ARID2: variants seen among roughly 807,000 people sequenced by gnomAD.
ARID2 encodes the protein AT-rich interaction domain 2.
In ARID2, 32 loss-of-function variants were observed where a neutral mutation model predicts 184.6. The observed-to-expected ratio is 0.17, with a 90% CI of 0.13 to 0.23. The LOEUF is 0.23. ARID2 is among the 10% of genes least tolerant of loss of function. ARID2 has a pLI of 1.00. For synonymous variants in ARID2, 836 were observed against 772.6 expected, an observed-to-expected ratio of 1.08 and a Z score of -1.36; for missense variants, 1,696 against 2,197.6, an observed-to-expected ratio of 0.77 and a Z score of 4.56.
At chr12:45,863,195 T>G (rs1004856896) in intron 16 of ARID2, among the ~76,000 whole-genome samples, 2 of 152,184 alleles carry the variant, frequency 1.3e-5, no homozygotes, top group African/African-American at 4.8e-5. Flanking sequence ...AGTAGGAATT[T>G]TTCATGCTAA....
chr12:45,742,853 C>T (rs4768660), intron 3 of ARID2, among the ~76,000 whole-genome samples: 22,953 of 152,176 alleles, frequency 0.15, 2,032 homozygotes, highest in Admixed American at 0.21. Context: ...AATAAATGCA[C>T]ATGTAGTTTT....
rs1261276803 is a variant in ARID2, at chr12:45,817,650, G to T, written c.419-20G>T. ...GTATCTGATCTTTGATATACTTAAGGTATTTTTTTTCTTTGTTAGATTATC... is the reference window on the plus strand; with the variant it reads ...GTATCTGATCTTTGATATACTTAAGTTATTTTTTTTCTTTGTTAGATTATC... On this transcript the variant is annotated intron_variant, in intron 4 of 20. Coordinates refer to ENST00000334344, the MANE Select transcript of ARID2 (RefSeq NM_152641.4). 2 of 1,583,126 alleles carry T rather than the reference G, an allele frequency of 1.3e-6. No homozygotes were observed. The highest frequency in any genetic ancestry group is 1.4e-5 in the African/African-American group (1 of 73,154).
chr12:45,747,247 G>A (rs1383844123), intron 3 of ARID2, among the ~76,000 whole-genome samples: 1 of 152,112 alleles, frequency 6.6e-6, no homozygotes, highest in Non-Finnish European at 1.5e-5. Flanking sequence ...ATTCTTTAAT[G>A]TATCTTTTTG....
At chr12:45,749,755 C>T (rs1176396533) in intron 3 of ARID2, among the ~76,000 whole-genome samples, 1 of 152,198 alleles carries the variant, frequency 6.6e-6, no homozygotes, top group African/African-American at 2.4e-5. Flanking sequence ...ATGAAGATAA[C>T]GTCTTTTTGT....
chr12:45,810,086 G>A (rs1942676529), intron 3 of ARID2, among the ~76,000 whole-genome samples: 1 of 152,156 alleles, frequency 6.6e-6, no homozygotes, highest in Non-Finnish European at 1.5e-5. Context: ...GGATTGATCT[G>A]TAAAATAATC....
chr12:45,770,580 G>A (rs1046242925), intron 3 of ARID2, among the ~76,000 whole-genome samples: 30 of 152,164 alleles, frequency 2.0e-4, no homozygotes, highest in African/African-American at 2.7e-4. Context: ...TGAGGAAGGC[G>A]GAGAATAATT....
intron 3 of ARID2, among the ~76,000 whole-genome samples, chr12:45,733,727 C>A (rs1013579969): frequency 2.0e-5 from 3 of 152,094 alleles, no homozygotes; most frequent in Admixed American, 2.0e-4. Context: ...GAAGAGCAAG[C>A]TAGTATGCTG....
intron 3 of ARID2, among the ~76,000 whole-genome samples, chr12:45,768,546 C>G (rs1401603945): frequency 6.6e-6 from 1 of 152,180 alleles, no homozygotes; most frequent in African/African-American, 2.4e-5. Context: ...TTCTAAATCT[C>G]TTTCTAAAGC....
chr12:45,812,499 A>G (rs936320037), intron 4 of ARID2, among the ~76,000 whole-genome samples: 1 of 152,176 alleles, frequency 6.6e-6, no homozygotes, highest in Non-Finnish European at 1.5e-5. Context: ...CTCCATTAGA[A>G]GAGGCTTCAT....
intron 16 of ARID2, among the ~76,000 whole-genome samples, chr12:45,867,733 A>C (rs1592131477): frequency 6.9e-6 from 1 of 145,648 alleles, no homozygotes; most frequent in Non-Finnish European, 1.5e-5. Flanking sequence ...ACAGAACGAG[A>C]CTCCATCTCA....
intron 16 of ARID2, among the ~76,000 whole-genome samples, chr12:45,882,432 G>C (rs1944121356): frequency 2.0e-5 from 3 of 152,188 alleles, no homozygotes; most frequent in Admixed American, 1.3e-4. Context: ...ACTATATTTT[G>C]CAAGTGATTA....
At chr12:45,861,348 A>T (rs1943743456) in intron 16 of ARID2, among the ~76,000 whole-genome samples, 1 of 152,152 alleles carries the variant, frequency 6.6e-6, no homozygotes, top group Admixed American at 6.5e-5. Flanking sequence ...TAGAAAGAGA[A>T]TGACTTGTCT....
chr12:45,876,707 G>T (rs145341509), intron 16 of ARID2, among the ~76,000 whole-genome samples: 5 of 151,288 alleles, frequency 3.3e-5, no homozygotes, highest in Non-Finnish European at 5.9e-5. Flanking sequence ...ACCAAAATGT[G>T]ATATAAAGAC....
intron 3 of ARID2, among the ~76,000 whole-genome samples, chr12:45,744,109 T>G (rs1348667422): frequency 6.6e-6 from 1 of 152,218 alleles, no homozygotes; most frequent in African/African-American, 2.4e-5. Flanking sequence ...TTTGTCTAAT[T>G]GCATTGGCCA....
rs770601353 is a variant in ARID2, at chr12:45,852,514, G to A, written c.4391G>A (p.Arg1464His). The stretch of plus-strand genomic sequence containing the variant: ...TTGAATTCAGATGTGCCTCAGCAAC[G>A]CCCAAGTGTAGTTGTCTCACCACAT... The part of the protein sequence containing the change: ...SSLNSDVPQQ[R>H]PSVVVSPHST... The change falls in exon 15 of 21, where the codon CGC becomes CAC. Residue 1464 changes from arginine to histidine, a missense_variant. Arg to His is a conservative substitution (Grantham distance 29). Transcript: ENST00000334344. The A allele has an allele frequency of 9.9e-6, 16 of 1,614,002 alleles. No individual in the cohort carries two copies. Among genetic ancestry groups the A allele is most frequent in the Admixed American group, 6.7e-5 (4 of 59,992 alleles).
chr12:45,844,192 C>T (rs1830202806), intron 11 of ARID2, among the ~76,000 whole-genome samples: 1 of 151,990 alleles, frequency 6.6e-6, no homozygotes, highest in Admixed American at 6.6e-5. Context: ...TACATGCCAC[C>T]AAGTCTGGCT....
At chr12:45,844,651 G>A (rs1270455431) in intron 11 of ARID2, among the ~76,000 whole-genome samples, 1 of 152,182 alleles carries the variant, frequency 6.6e-6, no homozygotes. Flanking sequence ...ATAGTAGCTA[G>A]CGTTTATATA....
intron 16 of ARID2, among the ~76,000 whole-genome samples, chr12:45,888,633 C>G (rs1307436284): frequency 6.6e-6 from 1 of 152,128 alleles, no homozygotes; most frequent in African/African-American, 2.4e-5. Context: ...ATGACAATAG[C>G]CCTTATTTAT....
chr12:45,775,335 G>A (rs1458414382), intron 3 of ARID2, among the ~76,000 whole-genome samples: 1 of 152,128 alleles, frequency 6.6e-6, no homozygotes, highest in Non-Finnish European at 1.5e-5. Context: ...CTTCCAGAAT[G>A]TCTATTTCTA....
Sources: allele counts gnomAD v4.1 joint callset (sites outside exome capture counted in the v4.1 genomes callset), GRCh38; gene constraint gnomAD v4.1.1; transcripts MANE v1.5; gene names NCBI Gene and HGNC (gene_info 2026-07-23, HGNC 2026-07-21).